The following CYP2C19 variants were observed in gnomAD, a reference collection of about 807,000 sequenced individuals.
CYP2C19 encodes the protein cytochrome P450 2C19.
CYP2C19 carries 59 observed loss-of-function variants against 40.9 expected under a neutral mutation model. That is an observed-to-expected ratio of 1.44 (90% CI 1.17 to 1.79). The LOEUF (loss-of-function observed/expected upper bound fraction) is 1.79. CYP2C19 is among the 40% of genes most tolerant of loss of function. The pLI is 0.00. For synonymous variants in CYP2C19, 253 were observed against 208.7 expected, an observed-to-expected ratio of 1.21 and a Z score of -1.83; for missense variants, 754 against 596.9, an observed-to-expected ratio of 1.26 and a Z score of -2.74.
chr10:94,831,995 G>A (rs1054430492), intron 6 of CYP2C19, among the ~76,000 whole-genome samples: 1 of 152,150 alleles, frequency 6.6e-6, no homozygotes, highest in Non-Finnish European at 1.5e-5. Flanking sequence ...ATGTCCTGGA[G>A]ATGTTTTCTA....
At chr10:94,826,951 T>C (rs1849235791) in intron 6 of CYP2C19, among the ~76,000 whole-genome samples, 1 of 152,204 alleles carries the variant, frequency 6.6e-6, no homozygotes. Context: ...TCTGTTTATA[T>C]GCTGGATTAC....
intron 5 of CYP2C19, among the ~76,000 whole-genome samples, chr10:94,791,537 A>G (rs1462505995): frequency 1.3e-5 from 2 of 152,124 alleles, no homozygotes; most frequent in Admixed American, 6.6e-5. Flanking sequence ...ACTGCTTTAA[A>G]TGTGTCCCAG....
Position 94,849,924 on chromosome 10 carries a change from C to T in CYP2C19, c.1157C>T (p.Thr386Ile). 4.3e-6 allele frequency: 7 copies of T among 1,613,570 alleles called. No individual in the cohort carries two copies. The highest frequency in any genetic ancestry group is 5.9e-6 in the Non-Finnish European group (7 of 1,179,690). Residue 386 changes from threonine (T) to isoleucine (I), a missense_variant, in exon 8 of 9, where the codon ACC becomes ATC. Thr to Ile is a moderately conservative substitution (Grantham distance 89, BLOSUM62 -1). Coordinates refer to ENST00000371321, the MANE Select transcript of CYP2C19 (RefSeq NM_000769.4). ...FRNYLIPKGT[T>I]ILTSLTSVLH... is the part of the protein sequence containing the mutation. ...TATGTCTCTTGTTTCTAGGGCACAA[C>T]CATATTAACTTCCCTCACTTCTGTG...
chr10:94,768,223 G>C (rs1428268489), intron 1 of CYP2C19, among the ~76,000 whole-genome samples: 1 of 152,136 alleles, frequency 6.6e-6, no homozygotes, highest in Non-Finnish European at 1.5e-5. Flanking sequence ...GCTCGGGTAA[G>C]TGCCACCAGT....
intron 5 of CYP2C19, among the ~76,000 whole-genome samples, chr10:94,797,392 G>T (rs1267302281): frequency 6.6e-6 from 1 of 152,036 alleles, no homozygotes; most frequent in Admixed American, 6.5e-5. Context: ...GATTCGGTTT[G>T]CCAGTATTTT....
rs531105515 is a variant in CYP2C19, at chr10:94,810,927, T to C, written c.820-9569T>C. Among the ~76,000 whole-genome samples the C allele has an allele frequency of 2.0e-3, 310 of 151,348 alleles. 2 individuals are homozygous for C. Among genetic ancestry groups the C allele is most frequent in the African/African-American group, 7.2e-3 (292 of 40,682 alleles). On this transcript the variant is annotated intron_variant, in intron 5 of 8. Transcript: ENST00000371321. Reference sequence around the variant, plus strand: ...TAGTTATTTTTTGTCTTCTGCTAGGTTTGAATTTGTTTGCTCTTGGTTTTC... The same window carrying C: ...TAGTTATTTTTTGTCTTCTGCTAGGCTTGAATTTGTTTGCTCTTGGTTTTC...
intron 1 of CYP2C19, among the ~76,000 whole-genome samples, chr10:94,771,520 T>C (rs530423620): frequency 6.6e-6 from 1 of 152,204 alleles, no homozygotes; most frequent in South Asian, 2.1e-4. Flanking sequence ...TTTTTCCCCA[T>C]CAGAGAGAGA....
rs1473038408 is a variant in CYP2C19, at chr10:94,853,801, C to A, written c.*887C>A. ...GACCTCCTGATCTGCCTGCCTCAGCCTCCCAAAGTGCTGGGATTACAGGAG... is the reference window on the plus strand; with the variant it reads ...GACCTCCTGATCTGCCTGCCTCAGCATCCCAAAGTGCTGGGATTACAGGAG... On this transcript the variant is annotated 3_prime_UTR_variant, in exon 9 of 9. Transcript: ENST00000371321. Among the ~76,000 whole-genome samples the A allele has an allele frequency of 6.6e-6, 1 of 152,056 alleles. No individual in the cohort carries two copies. Among genetic ancestry groups the A allele is most frequent in the Admixed American group, 6.6e-5 (1 of 15,266 alleles).
At chr10:94,813,621 C>G (rs1231165392) in intron 5 of CYP2C19, among the ~76,000 whole-genome samples, 1 of 151,908 alleles carries the variant, frequency 6.6e-6, no homozygotes, top group Non-Finnish European at 1.5e-5. Flanking sequence ...CAATGGCAGA[C>G]TCCCCTCAAC....
At chr10:94,828,500 G>A (rs761890938) in intron 6 of CYP2C19, among the ~76,000 whole-genome samples, 45 of 143,862 alleles carry the variant, frequency 3.1e-4, no homozygotes, top group Non-Finnish European at 5.5e-4. Context: ...GCCTTTTTTT[G>A]TTTTCCATTG....
intron 5 of CYP2C19, among the ~76,000 whole-genome samples, chr10:94,792,779 C>T (rs1042398399): frequency 6.6e-6 from 1 of 152,088 alleles, no homozygotes; most frequent in African/African-American, 2.4e-5. Context: ...CTCTGGCTGC[C>T]CTAAATATTT....
intron 4 of CYP2C19, 30 bp downstream of exon 4, chr10:94,780,689 A>G (rs1303495240): frequency 1.9e-6 from 3 of 1,612,236 alleles, no homozygotes; most frequent in South Asian, 1.1e-5. Context: ...TTCCTGAGAA[A>G]CCACTTACAG....
intron 5 of CYP2C19, among the ~76,000 whole-genome samples, chr10:94,815,347 T>C (rs1427154660): frequency 1.2e-4 from 19 of 152,234 alleles, no homozygotes; most frequent in Admixed American, 3.3e-4. Flanking sequence ...TTGGAGACTC[T>C]AAAAGCATAA....
chr10:94,812,644 C>A (rs1286161842), intron 5 of CYP2C19, among the ~76,000 whole-genome samples: 2 of 152,108 alleles, frequency 1.3e-5, no homozygotes, highest in South Asian at 2.1e-4. Context: ...TCTCTGATAT[C>A]CTTTCTTCTG....
intron 8 of CYP2C19, among the ~76,000 whole-genome samples, chr10:94,852,251 C>T (rs1849664950): frequency 6.6e-6 from 1 of 151,990 alleles, no homozygotes. Context: ...GAGGGGGTAA[C>T]ATGTTTAGAC....
intron 6 of CYP2C19, among the ~76,000 whole-genome samples, chr10:94,830,172 G>T (rs1245488915): frequency 2.6e-5 from 4 of 152,230 alleles, no homozygotes; most frequent in Admixed American, 1.3e-4. Flanking sequence ...TTGAGCTGTG[G>T]TGGGCTCCAC....
rs187094721 is a variant in CYP2C19, at chr10:94,829,246, T to C, written c.961+8609T>C. ...ATTGGGGAAGTTCTCCTGGATAATA[T>C]CCTGCAGAGTGTTTTCCAACTTGTT... On this transcript the variant is annotated intron_variant, in intron 6 of 8. Coordinates refer to ENST00000371321, the MANE Select transcript of CYP2C19 (RefSeq NM_000769.4). 4.9e-3 allele frequency among the ~76,000 whole-genome samples: 745 copies of C among 152,312 alleles called. 6 individuals carry two copies. Among genetic ancestry groups the C allele is most frequent in the African/African-American group, 0.017 (714 of 41,578 alleles).
chr10:94,843,086 A>G (rs1849521077), intron 7 of CYP2C19, 62 bp downstream of exon 7: 1 of 1,586,524 alleles, frequency 6.3e-7, no homozygotes, highest in African/African-American at 1.3e-5. Context: ...TCACAGTATG[A>G]TTCTTACCCT....
chr10:94,836,401 T>C (rs1001717119), intron 6 of CYP2C19, among the ~76,000 whole-genome samples: 3 of 152,214 alleles, frequency 2.0e-5, no homozygotes, highest in Admixed American at 2.0e-4. Context: ...CCTGTTTTTT[T>C]TCTGTGTTAT....
Sources: allele counts gnomAD v4.1 joint callset (sites outside exome capture counted in the v4.1 genomes callset), GRCh38; gene constraint gnomAD v4.1.1; transcripts MANE v1.5; gene names NCBI Gene and HGNC (gene_info 2026-07-23, HGNC 2026-07-21).